Variants in TCP11 observed in about 807,000 individuals in gnomAD.
TCP11 encodes t-complex 11.
In TCP11, 34 loss-of-function variants were observed where a neutral mutation model predicts 45.0. The ratio of observed to expected loss-of-function variants is 0.76; its 90% CI spans 0.57 to 1.01. The LOEUF is 1.01. TCP11 is among the 50% of genes least tolerant of loss of function. TCP11 has a pLI of 0.00. For missense variants in TCP11, 523 were observed against 598.1 expected (o/e 0.87, Z 1.31); for synonymous variants, 227 against 227.0 (o/e 1.00, Z 0.00).
intron 2 of TCP11, chr6:35,140,101 C>A (rs758986777): frequency 1.2e-6 from 2 of 1,613,644 alleles, no homozygotes; most frequent in Non-Finnish European, 1.7e-6. Flanking sequence ...CATGTGGCCA[C>A]AAGAAAAACC....
intron 4 of TCP11, among the ~76,000 whole-genome samples, chr6:35,126,111 G>T (rs942768539): frequency 2.0e-5 from 3 of 152,102 alleles, no homozygotes; most frequent in Admixed American, 2.0e-4. Flanking sequence ...CCAGTGAACT[G>T]TAACACTAAA....
chr6:35,140,173 T>C (rs1781561700), intron 2 of TCP11: 1 of 1,585,568 alleles, frequency 6.3e-7, no homozygotes, highest in Non-Finnish European at 8.6e-7. Flanking sequence ...AAGAATTTTA[T>C]CTTGAGTTGT....
chr6:35,118,604 T>C, intron 9 of TCP11, 103 bp from the exon 10 acceptor site: 2 of 1,020,706 alleles, frequency 2.0e-6, no homozygotes, highest in Non-Finnish European at 2.8e-6. Flanking sequence ...AACAGATATG[T>C]ACCAACCTGC....
rs752706731 is a variant in TCP11 at position 35,122,345 on chromosome 6, GGAAA to G, written c.358-12_358-9del. 38 of 1,613,492 alleles carry G rather than the reference GGAAA, an allele frequency of 2.4e-5. No individual in the cohort carries two copies. Among genetic ancestry groups the G allele is most frequent in the Admixed American group, 5.0e-5 (3 of 59,966 alleles). Reference sequence around the variant, plus strand: ...TAGCAGTGATAGCAAGATCTGCCCAGGAAAGAAAGTCAAAGGAGTTGATCTGTTT... The same window carrying G: ...TAGCAGTGATAGCAAGATCTGCCCAGGAAAGTCAAAGGAGTTGATCTGTTT... On this transcript the variant is annotated splice_polypyrimidine_tract_variant and intron_variant, in intron 4 of 9. Transcript: ENST00000311875.
At chr6:35,122,593 G>T (rs1197263522) in intron 4 of TCP11, among the ~76,000 whole-genome samples, 1 of 152,192 alleles carries the variant, frequency 6.6e-6, no homozygotes, top group East Asian at 1.9e-4. Context: ...AAATCAAGGA[G>T]TGTGGTAAAA....
Position 35,141,255 on chromosome 6 carries a change from CG to C in TCP11, c.-66del, listed in dbSNP as rs1781753419. On this transcript the variant is annotated 5_prime_UTR_variant, in exon 1 of 10. Coordinates refer to ENST00000311875, the MANE Select transcript of TCP11 (RefSeq NM_001370687.1). Reference sequence around the variant, plus strand: ...CCACTGGCGTCCGCTCGGTGGGCCTCGCGGCCTGGCGGCCTGGAGCGTACCA... The same window carrying C: ...CCACTGGCGTCCGCTCGGTGGGCCTCCGGCCTGGCGGCCTGGAGCGTACCA... 4.5e-6 allele frequency: 6 copies of C among 1,341,800 alleles called. No individual in the cohort carries two copies. Among genetic ancestry groups the C allele is most frequent in the Non-Finnish European group, 5.7e-6 (6 of 1,050,208 alleles). The allele number at this position is 1,341,800 out of a possible 1,614,324, so 83.1% of individuals were successfully genotyped here.
At position 35,141,094 on chromosome 6, in the gene TCP11, C is replaced by T. The variant is rs1781719437; in HGVS notation, c.-15+111G>A. ...GGCGGCAACGAGGAAACTAAAGCCACAGAAGCCCGGCGCAGGGCGGGAAGC... is the reference window on the plus strand; with the variant it reads ...GGCGGCAACGAGGAAACTAAAGCCATAGAAGCCCGGCGCAGGGCGGGAAGC... On this transcript the variant is annotated intron_variant, in intron 1 of 9. Coordinates refer to ENST00000311875, the MANE Select transcript of TCP11 (RefSeq NM_001370687.1). 47 of 1,274,060 alleles carry T rather than the reference C, an allele frequency of 3.7e-5. No homozygotes were observed. The East Asian group carries it at 1.5e-3, about 40-fold the overall frequency. 78.9% of individuals were successfully genotyped at this position (1,274,060 alleles called of 1,614,324 possible). A position where few individuals can be genotyped will look rare whatever the true frequency, so the allele number is the denominator to read the frequency against.
chr6:35,137,947 G>A, intron 2 of TCP11: 2 of 373,752 alleles, frequency 5.4e-6, no homozygotes. Flanking sequence ...AATGTAAAAA[G>A]GAAAAATAAG....
At chr6:35,128,280 T>C (rs1780042668) in intron 4 of TCP11, 4 of 152,222 alleles carry the variant, frequency 2.6e-5, no homozygotes, top group Admixed American at 2.6e-4. Flanking sequence ...CCCAGCTTCT[T>C]ACTGGCTATT....
intron 3 of TCP11, among the ~76,000 whole-genome samples, chr6:35,134,273 C>CTTTTTTTTTTT (rs34368428): frequency 4.8e-5 from 5 of 105,104 alleles, no homozygotes; most frequent in Non-Finnish European, 5.5e-5. Context: ...CACCCATAAG[C>CTTTTTTTTTTT]TTTTTTTTTT....
intron 1 of TCP11, 29 bp downstream of exon 1, chr6:35,141,176 A>G: frequency 7.3e-7 from 1 of 1,365,306 alleles, no homozygotes. Flanking sequence ...ACGCCGGCCC[A>G]GGCCCGCCTC....
In TCP11 at chr6:35,119,392, C is replaced by T. The variant is rs758087228; in HGVS notation, c.1116-1G>A. 3 of 1,613,628 alleles carry T rather than the reference C, an allele frequency of 1.9e-6. No homozygotes were observed. The highest frequency in any genetic ancestry group is 3.3e-5 in the Admixed American group (2 of 60,004). ...CACAGTCAGTATAGCTTCCTCAGGC[C>T]TAGACCATGAAAGAAAGTAAGCTGG... On this transcript the variant is annotated splice_acceptor_variant, in intron 8 of 9. Transcript: ENST00000311875. LOFTEE classifies it high-confidence loss of function.
chr6:35,137,821 A>C, intron 2 of TCP11: 1 of 455,870 alleles, frequency 2.2e-6, no homozygotes, highest in Non-Finnish European at 4.4e-6. Context: ...GTAGATGAAC[A>C]AAGATTGGCC....
intron 5 of TCP11, among the ~76,000 whole-genome samples, chr6:35,121,336 T>A (rs568379338): frequency 2.0e-5 from 3 of 151,680 alleles, no homozygotes; most frequent in Admixed American, 2.0e-4. Flanking sequence ...TACACCAGCA[T>A]GCTAACAATT....
At chr6:35,127,074 T>C (rs1021579146) in intron 4 of TCP11, among the ~76,000 whole-genome samples, 1 of 152,146 alleles carries the variant, frequency 6.6e-6, no homozygotes, top group African/African-American at 2.4e-5. Context: ...ACTTGCAGGA[T>C]TTTTGTTTCC....
intron 3 of TCP11, among the ~76,000 whole-genome samples, chr6:35,133,456 T>C (rs1280040460): frequency 2.0e-5 from 3 of 152,030 alleles, no homozygotes; most frequent in Non-Finnish European, 4.4e-5. Flanking sequence ...GTGCCGGGAT[T>C]ACAGGCATGA....
Position 35,120,639 on chromosome 6 carries a change from A to G in TCP11, c.723T>C (p.Leu241=), listed in dbSNP as rs566768818. The G allele has an allele frequency of 1.4e-5, 22 of 1,613,146 alleles. No individual in the cohort carries two copies. The highest frequency in any genetic ancestry group is 1.8e-5 in the Non-Finnish European group (21 of 1,179,804). The stretch of plus-strand genomic sequence containing the variant: ...GGGTCAGCCATTTGGTGGTGTGATT[A>G]AGGAGACCTATGACAGGTAAGGGAG... ...QELLNKQPSL[L]NHTTKWLTQA... Residue 241 remains leucine, a synonymous_variant, in exon 7 of 10, where the codon CTT becomes CTC. Coordinates refer to ENST00000311875, the MANE Select transcript of TCP11 (RefSeq NM_001370687.1). The surrounding 1 kb of genome is among the most constrained non-coding windows in gnomAD (Gnocchi z 4.9).
rs201795646 is a variant in TCP11 at position 35,129,150 on chromosome 6, T to C, written c.269A>G (p.Asn90Ser). 9.5e-5 allele frequency: 154 copies of C among 1,614,118 alleles called. 2 individuals are homozygous for C. The highest frequency in any genetic ancestry group is 4.3e-4 in the Admixed American group (26 of 60,012). The part of the protein sequence containing the change: ...LEGKVKETVH[N>S]AFWDHLKEQL... ...CTCTTTAAGATGGTCCCAAAAGGCATTGTGCACTGTCTCCTTGACCTTGCC... is the reference window on the plus strand; with the variant it reads ...CTCTTTAAGATGGTCCCAAAAGGCACTGTGCACTGTCTCCTTGACCTTGCC... The change falls in exon 4 of 10, where the codon AAT (asparagine) becomes AGT (serine). Residue 90 changes from asparagine (N) to serine (S), a missense_variant. Transcript: ENST00000311875.
rs545375504 is a variant in TCP11 at position 35,124,488 on chromosome 6, A to C, written c.358-2151T>G. 2.6e-5 allele frequency among the ~76,000 whole-genome samples: 4 copies of C among 152,330 alleles called. No homozygotes were observed. In the South Asian group the frequency reaches 8.3e-4, roughly 32 times the overall value. On this transcript the variant is annotated intron_variant, in intron 4 of 9. Transcript: ENST00000311875. ...GGCCTTGGTAGAAAGTAAACACCTT[A>C]CTATAGAACACTGGGTAACCATGTG...
Sources: allele counts gnomAD v4.1 joint callset (sites outside exome capture counted in the v4.1 genomes callset), GRCh38; gene constraint gnomAD v4.1.1; non-coding constraint Gnocchi (gnomAD v3.1); transcripts MANE v1.5; gene names NCBI Gene and HGNC (gene_info 2026-07-23, HGNC 2026-07-21).